Variants in SLC2A14 observed in about 807,000 individuals in gnomAD.
SLC2A14 encodes solute carrier family 2 member 14, also known as solute carrier family 2, facilitated glucose transporter member 14.
In SLC2A14, 13 loss-of-function variants were observed where a neutral mutation model predicts 43.0. The ratio of observed to expected loss-of-function variants is 0.30; its 90% CI spans 0.20 to 0.48. The LOEUF (loss-of-function observed/expected upper bound fraction) is 0.48. Among genes scored for constraint, SLC2A14 ranks in the 20% least tolerant of loss-of-function variants. The pLI is 0.99. For missense variants in SLC2A14, 428 were observed against 620.4 expected (o/e 0.69, Z 3.29); for synonymous variants, 190 against 233.8 (o/e 0.81, Z 1.71).
upstream of SLC2A14, among the ~76,000 whole-genome samples, chr12:7,873,795 C>A (rs1208086891): frequency 6.6e-6 from 1 of 152,084 alleles, no homozygotes; most frequent in African/African-American, 2.4e-5. Context: ...AAGATCATCC[C>A]CTGCTGCCCC....
At chr12:7,824,728 CAAAAAAAAA>C (rs59362614) in intron 7 of SLC2A14, among the ~76,000 whole-genome samples, 4 of 113,344 alleles carry the variant, frequency 3.5e-5, no homozygotes, top group Admixed American at 2.0e-4. Flanking sequence ...GACTCTGTCT[CAAAAAAAAA>C]AAAAAAAAAG....
At chr12:7,887,548 GTAGATAAATCAGATAGA>G in intron 1 of SLC2A14, among the ~76,000 whole-genome samples, 1 of 150,658 alleles carries the variant, frequency 6.6e-6, no homozygotes, top group South Asian at 2.1e-4. Flanking sequence ...GTGATAGTAG[GTAGATAAATCAGATAGA>G]TAGATAGATA....
chr12:7,861,112 A>C (rs1032164654), intron 2 of SLC2A14, among the ~76,000 whole-genome samples: 1 of 152,042 alleles, frequency 6.6e-6, no homozygotes, highest in African/African-American at 2.4e-5. Context: ...TCATAAATTA[A>C]TTATCAGTTG....
At chr12:7,874,675 AAAATATAT>A (rs1369920149), upstream of SLC2A14, among the ~76,000 whole-genome samples, 1 of 146,350 alleles carries the variant, frequency 6.8e-6, no homozygotes, top group East Asian at 1.9e-4. Context: ...CCATCTCAAA[AAAATATAT>A]AAATATATAT....
chr12:7,874,699 T>C (rs1435405189), upstream of SLC2A14, among the ~76,000 whole-genome samples: 1 of 142,798 alleles, frequency 7.0e-6, no homozygotes, highest in African/African-American at 2.6e-5. Flanking sequence ...TATATATAAA[T>C]ATATATAAAT....
At chr12:7,866,176 G>A (rs1944895473) in intron 2 of SLC2A14, among the ~76,000 whole-genome samples, 1 of 141,012 alleles carries the variant, frequency 7.1e-6, no homozygotes, top group South Asian at 2.3e-4. Context: ...AGTGAGCTGA[G>A]ATTGCACCAC....
chr12:7,863,156 T>C (rs1944686776), intron 2 of SLC2A14, among the ~76,000 whole-genome samples: 1 of 152,114 alleles, frequency 6.6e-6, no homozygotes, highest in Non-Finnish European at 1.5e-5. Context: ...TGCAGCTTCA[T>C]TTTTGAGCCC....
intron 2 of SLC2A14, among the ~76,000 whole-genome samples, chr12:7,863,953 C>G: frequency 6.6e-6 from 1 of 151,756 alleles, no homozygotes; most frequent in East Asian, 2.0e-4. Context: ...GTAGCTGGCA[C>G]TACAGGCATG....
intron 2 of SLC2A14, among the ~76,000 whole-genome samples, chr12:7,845,056 C>T (rs774230456): frequency 2.6e-5 from 4 of 152,024 alleles, no homozygotes; most frequent in East Asian, 1.9e-4. Flanking sequence ...TTGTGAATTA[C>T]GACTAGAAAC....
chr12:7,881,137 C>G (rs1945563279), intron 1 of SLC2A14, among the ~76,000 whole-genome samples: 1 of 152,146 alleles, frequency 6.6e-6, no homozygotes, highest in Non-Finnish European at 1.5e-5. Flanking sequence ...ACAGCCCTCG[C>G]TCGCTCTCGG....
At chr12:7,815,412 T>A (rs1863350426) in intron 10 of SLC2A14, among the ~76,000 whole-genome samples, 1 of 152,138 alleles carries the variant, frequency 6.6e-6, no homozygotes, top group African/African-American at 2.4e-5. Context: ...TGAGACTCCG[T>A]CTCAAATAAT....
chr12:7,863,272 A>C (rs1195136966), intron 2 of SLC2A14: 1 of 404,764 alleles, frequency 2.5e-6, no homozygotes, highest in Non-Finnish European at 4.9e-6. Flanking sequence ...TGAGCCAGCA[A>C]GACCACGAAC....
At chr12:7,842,808 A>T (rs1238626062) in intron 2 of SLC2A14, among the ~76,000 whole-genome samples, 1 of 149,386 alleles carries the variant, frequency 6.7e-6, no homozygotes, top group African/African-American at 2.5e-5. Context: ...GGCTCATCGC[A>T]ACCTCCGCCT....
Position 7,829,911 on chromosome 12 carries a change from A to T in SLC2A14, c.368T>A (p.Leu123Gln). 6.2e-7 allele frequency: 1 copy of T among 1,614,240 alleles called. No individual in the cohort carries two copies. The highest frequency in any genetic ancestry group is 8.5e-7 in the Non-Finnish European group (1 of 1,180,040). ...KIAESVEMLI[L>Q]GRLVIGLFCG... Reference sequence around the variant, plus strand: ...GAAGAGGCCAATAACCAAGCGGCCCAGGATCAGCATTTCAACTGACTCAGC... The same window carrying T: ...GAAGAGGCCAATAACCAAGCGGCCCTGGATCAGCATTTCAACTGACTCAGC... The change falls in exon 5 of 11, where the codon CTG becomes CAG. Residue 123 changes from leucine (L) to glutamine (Q), a missense_variant. Coordinates refer to ENST00000431042, the MANE Select transcript of SLC2A14 (RefSeq NM_001286234.2).
At chr12:7,883,103 G>A (rs897313223) in intron 1 of SLC2A14, among the ~76,000 whole-genome samples, 14 of 151,424 alleles carry the variant, frequency 9.2e-5, no homozygotes, top group Admixed American at 7.9e-4. Flanking sequence ...CAGCTACTCC[G>A]TAGGCTGAGT....
At chr12:7,845,555 G>A (rs2120893687) in intron 2 of SLC2A14, among the ~76,000 whole-genome samples, 1 of 151,604 alleles carries the variant, frequency 6.6e-6, no homozygotes, top group Non-Finnish European at 1.5e-5. Context: ...CGAGGCGGGT[G>A]GATCATGAGG....
intron 2 of SLC2A14, among the ~76,000 whole-genome samples, chr12:7,841,954 G>A (rs1486746614): frequency 4.6e-5 from 7 of 151,216 alleles, no homozygotes; most frequent in African/African-American, 2.4e-5. Context: ...ACAGTGAGCC[G>A]AGATTGCACC....
chr12:7,882,729 T>C (rs1367769872), intron 1 of SLC2A14, among the ~76,000 whole-genome samples: 2 of 151,676 alleles, frequency 1.3e-5, no homozygotes, highest in African/African-American at 4.8e-5. Flanking sequence ...CCCAGCTACG[T>C]GGGAAGCTGA....
intron 2 of SLC2A14, among the ~76,000 whole-genome samples, chr12:7,844,744 C>T (rs1444743016): frequency 6.6e-6 from 1 of 152,060 alleles, no homozygotes; most frequent in Non-Finnish European, 1.5e-5. Flanking sequence ...CCATATTGGC[C>T]AGGCTGGTCT....
Sources: gnomAD v4.1 joint callset for allele counts (sites outside exome capture counted in the v4.1 genomes callset) on GRCh38, gnomAD v4.1.1 for gene constraint, MANE v1.5 for transcripts, NCBI Gene and HGNC (gene_info 2026-07-23, HGNC 2026-07-21) for gene names.